Variants in KCTD19 observed in about 807,000 individuals in gnomAD.
The protein encoded by KCTD19 is BTB/POZ domain-containing protein KCTD19.
KCTD19 carries 67 observed loss-of-function variants against 103.5 expected under a neutral mutation model. The ratio of observed to expected loss-of-function variants is 0.65; its 90% CI spans 0.53 to 0.79. KCTD19 has a LOEUF of 0.79. KCTD19 is among the 30% of genes least tolerant of loss of function. The pLI, the probability that KCTD19 is intolerant of heterozygous loss-of-function variation, is 0.00. For missense variants in KCTD19, 980 were observed against 1,136.1 expected (o/e 0.86, Z 1.98); for synonymous variants, 439 against 452.2 (o/e 0.97, Z 0.37).
rs1444170204 is a variant in KCTD19, at chr16:67,321,818, CT to C, written c.4-934del. 4 of 152,212 alleles carry C rather than the reference CT, an allele frequency of 2.6e-5. No individual in the cohort carries two copies. The East Asian group carries it at 7.7e-4, about 29-fold the overall frequency. 9.4% of individuals were successfully genotyped at this position (152,212 alleles called of 1,614,324 possible). A position where few individuals can be genotyped will look rare whatever the true frequency, so the allele number is the denominator to read the frequency against. On this transcript the variant is annotated intron_variant, in intron 1 of 15. Coordinates refer to ENST00000304372, the MANE Select transcript of KCTD19 (RefSeq NM_001100915.3). The stretch of plus-strand genomic sequence containing the variant: ...GTATACCCTTGACTGAAGACTGGTC[CT>C]CCTTTATTGGGGATGGTCGTCCTCT...
chr16:67,315,266 C>CAACG (rs926518042), intron 2 of KCTD19, among the ~76,000 whole-genome samples: 2 of 151,790 alleles, frequency 1.3e-5, no homozygotes, highest in African/African-American at 4.8e-5. Flanking sequence ...CCAAGTGGGC[C>CAACG]AACGAGCCAC....
At chr16:67,295,780 C>T (rs888351493) in intron 8 of KCTD19, 6 of 322,942 alleles carry the variant, frequency 1.9e-5, no homozygotes, top group Admixed American at 8.2e-5. Context: ...AGTCACACTC[C>T]GTCACCCAGG....
At chr16:67,324,703 G>A (rs773655554) in intron 1 of KCTD19, among the ~76,000 whole-genome samples, 1 of 152,196 alleles carries the variant, frequency 6.6e-6, no homozygotes, top group Non-Finnish European at 1.5e-5. Flanking sequence ...TCTGACAGCT[G>A]AGGAAGGAAA....
chr16:67,325,433 G>A (rs1597403645), intron 1 of KCTD19, among the ~76,000 whole-genome samples: 1 of 145,858 alleles, frequency 6.9e-6, no homozygotes, highest in South Asian at 2.1e-4. Context: ...TAGTAGAGAT[G>A]GGGTTTCACT....
chr16:67,311,170 A>G (rs1383206092), intron 2 of KCTD19, among the ~76,000 whole-genome samples: 1 of 152,240 alleles, frequency 6.6e-6, no homozygotes, highest in Non-Finnish European at 1.5e-5. Flanking sequence ...AGACATATGA[A>G]TACATGAGAA....
At chr16:67,294,921 G>A (rs1364221145) in intron 10 of KCTD19, 52 bp downstream of exon 10, 9 of 1,386,582 alleles carry the variant, frequency 6.5e-6, no homozygotes, top group Non-Finnish European at 9.2e-6. Context: ...GATTTCAAGA[G>A]GAATTTAAAG....
chr16:67,301,996 G>C (rs1040448448), intron 4 of KCTD19, 74 bp from the exon 5 acceptor site: 23 of 1,430,048 alleles, frequency 1.6e-5, no homozygotes, highest in Non-Finnish European at 2.2e-5. Flanking sequence ...GGTTTTGGCA[G>C]GTTTCTGGTG....
intron 2 of KCTD19, among the ~76,000 whole-genome samples, chr16:67,304,943 C>T (rs985317717): frequency 2.0e-5 from 3 of 152,128 alleles, no homozygotes; most frequent in African/African-American, 7.2e-5. Context: ...GTTGAGATTA[C>T]GGGCATGAAC....
chr16:67,301,863 A>G lies in KCTD19; in HGVS notation c.703T>C (p.Leu235=). The change falls in exon 5 of 16, where the codon TTA becomes CTA. Residue 235 remains leucine (L), a synonymous_variant. Coordinates refer to ENST00000304372, the MANE Select transcript of KCTD19 (RefSeq NM_001100915.3). ...TCCAGAATTTCCACTTCTGCTTCTA[A>G]TACATCAATGTTGGAGAAATTATCC... ...LPDNFSNIDV[L]EAEVEILEIP... is the part of the protein sequence containing the mutation. 1 of 1,613,304 alleles carries G rather than the reference A, an allele frequency of 6.2e-7. No individual in the cohort carries two copies. The highest frequency in any genetic ancestry group is 8.5e-7 in the Non-Finnish European group (1 of 1,179,258).
rs1353251563 is a variant in KCTD19 at position 67,294,639 on chromosome 16, G to A, written c.1531C>T (p.Leu511=). 6.2e-7 allele frequency: 1 copy of A among 1,614,174 alleles called. No individual in the cohort carries two copies. The highest frequency in any genetic ancestry group is 8.5e-7 in the Non-Finnish European group (1 of 1,180,022). Reference sequence around the variant, plus strand: ...CCTGGCCCTTCTGTCACCACATGCAGCCTCCTGATGGAAAAAGCTTCTTCA... The same window carrying A: ...CCTGGCCCTTCTGTCACCACATGCAACCTCCTGATGGAAAAAGCTTCTTCA... ...ENEEAFSIRR[L]HVVTEGPGSL... is the part of the protein sequence containing the mutation. The change falls in exon 11 of 16, where the codon CTG becomes TTG. Residue 511 remains leucine, a synonymous_variant. Transcript: ENST00000304372.
intron 6 of KCTD19, 55 bp downstream of exon 6, chr16:67,299,308 G>C (rs969228856): frequency 6.5e-7 from 1 of 1,534,690 alleles, no homozygotes; most frequent in African/African-American, 1.4e-5. Flanking sequence ...TATTCCTAGA[G>C]GGAAGGGCAG....
chr16:67,290,750 C>G, intron 15 of KCTD19, 135 bp downstream of exon 15: 1 of 712,936 alleles, frequency 1.4e-6, no homozygotes, highest in South Asian at 1.9e-5. Context: ...GTTTCTCCCT[C>G]CCTGGGAGCA....
At chr16:67,314,873 A>AGAGAGGGGAAG (rs1567453810) in intron 2 of KCTD19, among the ~76,000 whole-genome samples, 1 of 130,830 alleles carries the variant, frequency 7.6e-6, no homozygotes, top group Non-Finnish European at 1.5e-5. Context: ...AGAGAGAGAG[A>AGAGAGGGGAAG]GGGGAAGGGT....
At position 67,303,108 on chromosome 16, in the gene KCTD19, C is replaced by CTGGGCGGGGGGGGGGGG; in HGVS notation, c.643+37_643+38insCCCCCCCCCCCCGCCCA. ...ATGGGGAGGGGTGAATGGGCCCTAT[C>CTGGGCGGGGGGGGGGGG]AGCCCGCCCCCCACCCCACCCCGGA... On this transcript the variant is annotated intron_variant, in intron 4 of 15. Transcript: ENST00000304372. This position sits in a 1 kb window ranked among gnomAD's most constrained non-coding sequence, Gnocchi z 4.3. The CTGGGCGGGGGGGGGGGG allele has an allele frequency of 1.3e-6, 1 of 798,078 alleles. No individual in the cohort carries two copies. The highest frequency in any genetic ancestry group is 2.1e-6 in the Non-Finnish European group (1 of 476,660). 49.4% of individuals were successfully genotyped at this position (798,078 alleles called of 1,614,324 possible). A position where few individuals can be genotyped will look rare whatever the true frequency, so the allele number is the denominator to read the frequency against.
chr16:67,312,789 C>T (rs2036962493), intron 2 of KCTD19, among the ~76,000 whole-genome samples: 2 of 152,316 alleles, frequency 1.3e-5, no homozygotes, highest in Middle Eastern at 3.4e-3. Flanking sequence ...AAGACATATT[C>T]AGAGTTTGAA....
At position 67,294,691 on chromosome 16, in the gene KCTD19, T is replaced by C; in HGVS notation, c.1479A>G (p.Ser493=). ...EALAQCEAYK[S]WTQEKESENE... ...TTTCAGATTCTTTCTCCTGAGTCCA[T>C]GACCTGCAGAAACCAAGAGGGGTTG... The change falls in exon 11 of 16, where the codon TCA becomes TCG. Residue 493 remains serine, a synonymous_variant. Coordinates refer to ENST00000304372, the MANE Select transcript of KCTD19 (RefSeq NM_001100915.3). 1 of 1,612,028 alleles carries C rather than the reference T, an allele frequency of 6.2e-7. No individual in the cohort carries two copies. Among genetic ancestry groups the C allele is most frequent in the Non-Finnish European group, 8.5e-7 (1 of 1,178,012 alleles).
chr16:67,290,167 C>CTTTT (rs11296444), intron 15 of KCTD19, among the ~76,000 whole-genome samples: 11 of 69,282 alleles, frequency 1.6e-4, no homozygotes, highest in Admixed American at 2.3e-4. Flanking sequence ...TGAATATTTT[C>CTTTT]TTTTTTTTTT....
At chr16:67,314,873 A>AGAGG (rs1567453810) in intron 2 of KCTD19, among the ~76,000 whole-genome samples, 1 of 130,828 alleles carries the variant, frequency 7.6e-6, no homozygotes. Flanking sequence ...AGAGAGAGAG[A>AGAGG]GGGGAAGGGT....
intron 1 of KCTD19, among the ~76,000 whole-genome samples, chr16:67,324,304 A>G: frequency 6.6e-6 from 1 of 152,346 alleles, no homozygotes; most frequent in South Asian, 2.1e-4. Context: ...TTGTAAAAAT[A>G]TTTTTTAAAG....
Sources: gnomAD v4.1 joint callset for allele counts (sites outside exome capture counted in the v4.1 genomes callset) on GRCh38, gnomAD v4.1.1 for gene constraint, Gnocchi (gnomAD v3.1) non-coding constraint, MANE v1.5 for transcripts, NCBI Gene and HGNC (gene_info 2026-07-23, HGNC 2026-07-21) for gene names.